The following WDR70 variants were observed in gnomAD, a reference collection of about 807,000 sequenced individuals.
WDR70 encodes WD repeat-containing protein 70.
In WDR70, 53 loss-of-function variants were observed where a neutral mutation model predicts 88.6. That is an observed-to-expected ratio of 0.60 (90% CI 0.48 to 0.75). The LOEUF (loss-of-function observed/expected upper bound fraction) is 0.75. WDR70 is among the 30% of genes least tolerant of loss of function. The pLI, the probability that WDR70 is intolerant of heterozygous loss-of-function variation, is 0.00. For synonymous variants in WDR70, 280 were observed against 270.0 expected, an observed-to-expected ratio of 1.04 and a Z score of -0.36; for missense variants, 610 against 823.2, an observed-to-expected ratio of 0.74 and a Z score of 3.17.
At chr5:37,398,971 G>T (rs1749112816) in intron 5 of WDR70, among the ~76,000 whole-genome samples, 1 of 151,922 alleles carries the variant, frequency 6.6e-6, no homozygotes, top group African/African-American at 2.4e-5. Context: ...GTGAAACCTT[G>T]ACTCTACTAA....
intron 13 of WDR70, among the ~76,000 whole-genome samples, chr5:37,713,819 G>A (rs1747582652): frequency 6.6e-6 from 1 of 152,144 alleles, no homozygotes; most frequent in Admixed American, 6.5e-5. Flanking sequence ...ACCAAGTGAA[G>A]GACTTTATGT....
chr5:37,589,842 TC>T (rs1331785851), intron 9 of WDR70, among the ~76,000 whole-genome samples: 1 of 152,130 alleles, frequency 6.6e-6, no homozygotes, highest in African/African-American at 2.4e-5. Flanking sequence ...ACTCAAGTGA[TC>T]CGCCTGCCTT....
chr5:37,462,365 T>C (rs1371279185), intron 7 of WDR70, among the ~76,000 whole-genome samples: 55 of 152,254 alleles, frequency 3.6e-4, no homozygotes, highest in Non-Finnish European at 1.0e-4. Flanking sequence ...TGCGGTGGCG[T>C]GATCCTGGCT....
chr5:37,571,927 G>A (rs1400472520), intron 9 of WDR70, among the ~76,000 whole-genome samples: 5 of 151,926 alleles, frequency 3.3e-5, no homozygotes, highest in African/African-American at 1.2e-4. Flanking sequence ...AAAGCTGAGG[G>A]GTATTAAGAT....
rs78287577 is a variant in WDR70 at position 37,491,395 on chromosome 5, G to C, written c.840+11408G>C. ...GTCCCCCATAAGCTTTCTTTTATCA[G>C]TTCATCTAGAGCTGATATTGTTCAG... On this transcript the variant is annotated intron_variant, in intron 8 of 17. Coordinates refer to ENST00000265107, the MANE Select transcript of WDR70 (RefSeq NM_018034.4). Among the ~76,000 whole-genome samples, 220 of 152,270 alleles carry C rather than the reference G, an allele frequency of 1.4e-3. 1 individual carries two copies. Among genetic ancestry groups the C allele is most frequent in the African/African-American group, 5.1e-3 (211 of 41,550 alleles).
At chr5:37,554,595 G>T (rs1742242075) in intron 9 of WDR70, among the ~76,000 whole-genome samples, 1 of 151,974 alleles carries the variant, frequency 6.6e-6, no homozygotes, top group African/African-American at 2.4e-5. Context: ...AGCAGAAGCA[G>T]TGAACAGAAT....
chr5:37,698,118 T>A (rs1304207826), intron 11 of WDR70, among the ~76,000 whole-genome samples: 1 of 152,190 alleles, frequency 6.6e-6, no homozygotes, highest in Non-Finnish European at 1.5e-5. Flanking sequence ...CTTCAAAGTC[T>A]TCTATTTGTT....
At chr5:37,745,388 G>A (rs1468871356) in intron 17 of WDR70, among the ~76,000 whole-genome samples, 1 of 150,648 alleles carries the variant, frequency 6.6e-6, no homozygotes. Context: ...TAACCAAATA[G>A]CATCATGACA....
chr5:37,646,098 A>AT (rs1745230200), intron 10 of WDR70, among the ~76,000 whole-genome samples: 1 of 150,444 alleles, frequency 6.6e-6, no homozygotes. Flanking sequence ...ATATGTTTTA[A>AT]TTTTTTGCTT....
chr5:37,379,429 G>T, intron 1 of WDR70, 37 bp downstream of exon 1: 8 of 1,613,694 alleles, frequency 5.0e-6, no homozygotes, highest in Non-Finnish European at 6.8e-6. Flanking sequence ...GGGGTGGGCC[G>T]TGTCGGGGGA....
At chr5:37,655,527 G>C (rs539532240) in intron 10 of WDR70, among the ~76,000 whole-genome samples, 9 of 152,150 alleles carry the variant, frequency 5.9e-5, no homozygotes, top group Non-Finnish European at 1.0e-4. Flanking sequence ...ATCCTGAAGA[G>C]TGTCTTCCAA....
chr5:37,612,182 G>A (rs1744210163), intron 10 of WDR70, among the ~76,000 whole-genome samples: 1 of 151,962 alleles, frequency 6.6e-6, no homozygotes, highest in African/African-American at 2.4e-5. Flanking sequence ...GAATGTTTCT[G>A]GTATCTTTGA....
chr5:37,479,831 C>A lies in WDR70; in HGVS notation c.687-3C>A, dbSNP rs777483376. 1.2e-6 allele frequency: 2 copies of A among 1,604,478 alleles called. No individual in the cohort carries two copies. Among genetic ancestry groups the A allele is most frequent in the East Asian group, 4.5e-5 (2 of 44,780 alleles). ...TACCAACTTTCCTTTTCTTTTCGTACAGCCATCAGATCAAGTCATTACAGT... is the reference window on the plus strand; with the variant it reads ...TACCAACTTTCCTTTTCTTTTCGTAAAGCCATCAGATCAAGTCATTACAGT... On this transcript the variant is annotated splice_region_variant and splice_polypyrimidine_tract_variant and intron_variant, in intron 7 of 17. Transcript: ENST00000265107.
chr5:37,640,224 G>A (rs750491750), intron 10 of WDR70, among the ~76,000 whole-genome samples: 2 of 152,042 alleles, frequency 1.3e-5, no homozygotes, highest in Non-Finnish European at 2.9e-5. Context: ...TCTTTATTAA[G>A]AGCAAAAAAT....
At chr5:37,511,329 T>C (rs965801509) in intron 8 of WDR70, among the ~76,000 whole-genome samples, 1 of 152,216 alleles carries the variant, frequency 6.6e-6, no homozygotes, top group Admixed American at 6.5e-5. Context: ...TATAATTCGT[T>C]ACTATCATTA....
intron 10 of WDR70, among the ~76,000 whole-genome samples, chr5:37,695,643 C>T (rs1746959376): frequency 6.6e-6 from 1 of 152,182 alleles, no homozygotes; most frequent in South Asian, 2.1e-4. Context: ...AAACACTTCT[C>T]ATATCTCAAA....
chr5:37,380,678 C>G (rs919649917), intron 2 of WDR70, among the ~76,000 whole-genome samples: 2 of 152,186 alleles, frequency 1.3e-5, no homozygotes, highest in South Asian at 2.1e-4. Flanking sequence ...GATGGAGTCT[C>G]GCTCTGTCAC....
At position 37,697,539 on chromosome 5, in the gene WDR70, C is replaced by T. The variant is rs1747016353; in HGVS notation, c.1093-116C>T. ...AAATTATAATCATGTGAAATTAGTA[C>T]TTTGCTTATAGGTGTGTATTATTTT... On this transcript the variant is annotated intron_variant, in intron 10 of 17. Transcript: ENST00000265107. 5.6e-6 allele frequency: 4 copies of T among 716,900 alleles called. No individual in the cohort carries two copies. The Admixed American group carries it at 8.1e-5, about 14-fold the overall frequency. The allele number at this position is 716,900 out of a possible 1,614,324, so 44.4% of individuals were successfully genotyped here.
At chr5:37,578,652 C>G (rs1176667397) in intron 9 of WDR70, among the ~76,000 whole-genome samples, 1 of 152,070 alleles carries the variant, frequency 6.6e-6, no homozygotes, top group African/African-American at 2.4e-5. Flanking sequence ...TAATTAAATG[C>G]CATCAATTCA....
Sources: allele counts gnomAD v4.1 joint callset (sites outside exome capture counted in the v4.1 genomes callset), GRCh38; gene constraint gnomAD v4.1.1; transcripts MANE v1.5; gene names NCBI Gene and HGNC (gene_info 2026-07-23, HGNC 2026-07-21).